Variants in BAALC observed in about 807,000 individuals in gnomAD.
BAALC encodes the protein brain and acute leukemia cytoplasmic protein.
In BAALC, 9 loss-of-function variants were observed where a neutral mutation model predicts 15.5. That is an observed-to-expected ratio of 0.58 (90% confidence interval 0.35 to 1.02). BAALC has a LOEUF of 1.02. BAALC is among the 50% of genes least tolerant of loss of function. The pLI is 0.02. For missense variants in BAALC, 201 were observed against 192.4 expected (o/e 1.04, Z -0.27); for synonymous variants, 80 against 74.6 (o/e 1.07, Z -0.37).
intron 1 of BAALC, among the ~76,000 whole-genome samples, chr8:103,180,110 C>T (rs1391880295): frequency 1.3e-5 from 2 of 152,132 alleles, no homozygotes; most frequent in African/African-American, 4.8e-5. Context: ...CTGTGAAGAA[C>T]AAGTGGAAGA....
chr8:103,171,049 A>T (rs933217661), intron 1 of BAALC, among the ~76,000 whole-genome samples: 1 of 152,124 alleles, frequency 6.6e-6, no homozygotes, highest in Non-Finnish European at 1.5e-5. Context: ...TTGGAAAGCT[A>T]TCAAGCCAAA....
chr8:103,167,701 T>C (rs528988408), intron 1 of BAALC, among the ~76,000 whole-genome samples: 5 of 152,260 alleles, frequency 3.3e-5, no homozygotes, highest in East Asian at 1.9e-4. Flanking sequence ...AGCAATGTTA[T>C]TGGAGCATCA....
At chr8:103,198,722 G>C (rs1393375943) in intron 1 of BAALC, among the ~76,000 whole-genome samples, 1 of 151,992 alleles carries the variant, frequency 6.6e-6, no homozygotes, top group Non-Finnish European at 1.5e-5. Context: ...GGGGCAACAT[G>C]GTGAAACCCT....
At chr8:103,219,545 A>T (rs1812634324) in intron 2 of BAALC, 1 of 152,150 alleles carries the variant, frequency 6.6e-6, no homozygotes, top group Admixed American at 6.5e-5. Context: ...ACTCGATACA[A>T]ACTCCCAGGG....
chr8:103,195,981 G>A (rs575614980), intron 1 of BAALC, among the ~76,000 whole-genome samples: 60 of 152,272 alleles, frequency 3.9e-4, no homozygotes, highest in African/African-American at 1.4e-3. Flanking sequence ...GGAGGAGTCT[G>A]GGAAGGTGCC....
Position 103,159,908 on chromosome 8 carries a change from G to T in BAALC, c.160+18851G>T, listed in dbSNP as rs578086580. On this transcript the variant is annotated intron_variant, in intron 1 of 2. Coordinates refer to ENST00000309982, the MANE Select transcript of BAALC (RefSeq NM_024812.3). ...TAGGCTGCTTGTTGCTACTGGGTTG[G>T]CTGTTGTTTATATCTCTTTTCACTG... Among the ~76,000 whole-genome samples, 14 of 152,228 alleles carry T rather than the reference G, an allele frequency of 9.2e-5. No individual in the cohort carries two copies. In the South Asian group the frequency reaches 2.9e-3, roughly 32 times the overall value.
intron 1 of BAALC, among the ~76,000 whole-genome samples, chr8:103,198,766 C>T (rs1812149973): frequency 6.6e-6 from 1 of 151,712 alleles, no homozygotes; most frequent in South Asian, 2.1e-4. Flanking sequence ...AAAAAAATTG[C>T]CAGGTGTGGT....
At chr8:103,208,002 C>G (rs2130052406) in intron 1 of BAALC, among the ~76,000 whole-genome samples, 1 of 152,334 alleles carries the variant, frequency 6.6e-6, no homozygotes, top group East Asian at 1.9e-4. Context: ...ATGACCCCTG[C>G]TCATTGTTTG....
At chr8:103,214,291 C>T (rs1281452976) in intron 2 of BAALC, among the ~76,000 whole-genome samples, 1 of 152,180 alleles carries the variant, frequency 6.6e-6, no homozygotes, top group Non-Finnish European at 1.5e-5. Flanking sequence ...TGAAAAACAA[C>T]TTTAAGCAAC....
chr8:103,159,964 T>C (rs564382033), intron 1 of BAALC, among the ~76,000 whole-genome samples: 2 of 152,318 alleles, frequency 1.3e-5, no homozygotes, highest in East Asian at 3.9e-4. Flanking sequence ...TTAAAGAGAC[T>C]ATGTGTTTGT....
intron 1 of BAALC, among the ~76,000 whole-genome samples, chr8:103,169,084 T>C (rs1811417497): frequency 6.6e-6 from 1 of 151,196 alleles, no homozygotes; most frequent in South Asian, 2.1e-4. Flanking sequence ...TATGAAAACA[T>C]TTTCTCAAGT....
At chr8:103,209,276 G>A (rs56047420) in intron 1 of BAALC, among the ~76,000 whole-genome samples, 10,502 of 152,166 alleles carry the variant, frequency 0.069, 401 homozygotes, top group Middle Eastern at 0.19. Context: ...GGAGGCTGTG[G>A]CAGTTCAGTT....
chr8:103,216,572 C>T (rs1335404173), intron 2 of BAALC, among the ~76,000 whole-genome samples: 1 of 152,186 alleles, frequency 6.6e-6, no homozygotes, highest in East Asian at 1.9e-4. Context: ...TCTGCAGCCT[C>T]TAATGCCTGG....
intron 2 of BAALC, among the ~76,000 whole-genome samples, chr8:103,220,296 G>A (rs1812649257): frequency 6.6e-6 from 1 of 152,188 alleles, no homozygotes; most frequent in African/African-American, 2.4e-5. Flanking sequence ...TTGGGAAAGC[G>A]AATACAATAA....
chr8:103,192,906 C>A (rs1169799913), intron 1 of BAALC, among the ~76,000 whole-genome samples: 2 of 152,184 alleles, frequency 1.3e-5, no homozygotes, highest in South Asian at 4.1e-4. Flanking sequence ...TCTCTCTTAC[C>A]AGCATCCCAG....
chr8:103,224,754 G>T (rs915544447), intron 2 of BAALC, among the ~76,000 whole-genome samples: 2 of 152,300 alleles, frequency 1.3e-5, no homozygotes, highest in East Asian at 3.9e-4. Flanking sequence ...GGGTGGCTTT[G>T]CAGGGCCATT....
chr8:103,149,157 G>A (rs764255316), intron 1 of BAALC, among the ~76,000 whole-genome samples: 3 of 65,906 alleles, frequency 4.6e-5, no homozygotes, highest in South Asian at 6.7e-4. Flanking sequence ...TGCTAAGCAC[G>A]AATGTAGTAC....
chr8:103,150,877 C>T (rs530387895), intron 1 of BAALC, among the ~76,000 whole-genome samples: 1 of 152,278 alleles, frequency 6.6e-6, no homozygotes, highest in African/African-American at 2.4e-5. Flanking sequence ...CAATTTCATA[C>T]ACTTCCTCCC....
In BAALC at chr8:103,200,790, T is replaced by C. The variant is rs1442116248; in HGVS notation, c.161-12129T>C. ...GGGTCAATGAGCTCCCTTCAACCTC[T>C]TTTATAAGGGCACCAATATCGTTCA... On this transcript the variant is annotated intron_variant, in intron 1 of 2. Transcript: ENST00000309982. The C allele has an allele frequency of 1.3e-5, 9 of 675,090 alleles. No homozygotes were observed. The East Asian group carries it at 2.4e-4, about 18-fold the overall frequency. 41.8% of individuals were successfully genotyped at this position (675,090 alleles called of 1,614,324 possible).
Sources: allele counts gnomAD v4.1 joint callset (sites outside exome capture counted in the v4.1 genomes callset), GRCh38; gene constraint gnomAD v4.1.1; transcripts MANE v1.5; gene names NCBI Gene and HGNC (gene_info 2026-07-23, HGNC 2026-07-21).